FANCA: variants seen among roughly 807,000 people sequenced by gnomAD.
FANCA encodes Fanconi anemia group A protein.
A neutral mutation model predicts 194.3 loss-of-function variants in FANCA; 236 were observed. The observed-to-expected ratio is 1.21, with a 90% CI of 1.09 to 1.35. The LOEUF (loss-of-function observed/expected upper bound fraction) is 1.35, where lower values mean the gene tolerates loss of function less well. FANCA is among the 40% of genes most tolerant of loss of function. The pLI is 0.00. For synonymous variants in FANCA, 1,014 were observed against 715.8 expected, an observed-to-expected ratio of 1.42 and a Z score of -6.65; for missense variants, 2,628 against 1,813.9, an observed-to-expected ratio of 1.45 and a Z score of -8.15.
chr16:89,814,616 A>G lies in FANCA; in HGVS notation c.190-3T>C. ...TTTTTACACAGTGGACCTTCTACCT[A>G]GAATCCAAAACACAACAAACTCCAT... On this transcript the variant is annotated splice_polypyrimidine_tract_variant and splice_region_variant and intron_variant, in intron 2 of 42. Transcript: ENST00000389301. 6.2e-7 allele frequency: 1 copy of G among 1,608,938 alleles called. No individual in the cohort carries two copies. The highest frequency in any genetic ancestry group is 8.5e-7 in the Non-Finnish European group (1 of 1,175,390).
rs17226232 is a variant in FANCA at position 89,785,166 on chromosome 16, A to G, written c.1360-202T>C. Among the ~76,000 whole-genome samples the G allele has an allele frequency of 0.051, 7,796 of 152,308 alleles. 246 individuals are homozygous for G. Among genetic ancestry groups the G allele is most frequent in the Non-Finnish European group, 0.084 (5,683 of 68,022 alleles). On this transcript the variant is annotated intron_variant, in intron 14 of 42. Transcript: ENST00000389301. ...GGCTGCTGTAGTCGGCCTCCTAAAC[A>G]AAAAGGAAAAAAGAGAAACACCAAA...
rs1205893600 is a variant in FANCA at position 89,798,506 on chromosome 16, G to A, written c.893+660C>T. 4 of 1,102,910 alleles carry A rather than the reference G, an allele frequency of 3.6e-6. No homozygotes were observed. The South Asian group carries it at 1.5e-4, about 41-fold the overall frequency. 68.3% of individuals were successfully genotyped at this position (1,102,910 alleles called of 1,614,324 possible). A position where few individuals can be genotyped will look rare whatever the true frequency, so the allele number is the denominator to read the frequency against. ...AGGTTGACAAGGCCTGGAAACAGTG[G>A]CAAATTCTACTGGTTTCTCAAGACT... On this transcript the variant is annotated intron_variant, in intron 10 of 42. Transcript: ENST00000389301.
At position 89,786,015 on chromosome 16, in the gene FANCA, A is replaced by ATTTTTTTT. The variant is rs67279101; in HGVS notation, c.1360-1059_1360-1052dup. 3.8e-5 allele frequency among the ~76,000 whole-genome samples: 4 copies of ATTTTTTTT among 104,130 alleles called. No individual in the cohort carries two copies. The East Asian group carries it at 8.0e-4, about 21-fold the overall frequency. 68.3% of individuals were successfully genotyped at this position (104,130 alleles called of 152,430 possible). A position where few individuals can be genotyped will look rare whatever the true frequency, so the allele number is the denominator to read the frequency against. ...CAGGCATTTGCTACCACTCCCAGCT[A>ATTTTTTTT]TTTTTTTTTTTTTTTTTTTGAGAGA... On this transcript the variant is annotated intron_variant, in intron 14 of 42. Coordinates refer to ENST00000389301, the MANE Select transcript of FANCA (RefSeq NM_000135.4).
intron 26 of FANCA, among the ~76,000 whole-genome samples, chr16:89,767,767 C>A (rs1251233966): frequency 6.6e-6 from 1 of 152,144 alleles, no homozygotes; most frequent in Non-Finnish European, 1.5e-5. Context: ...CGAGGATGGT[C>A]TCGATCTCCT....
chr16:89,808,833 C>T (rs1029113836), intron 5 of FANCA, among the ~76,000 whole-genome samples: 4 of 152,136 alleles, frequency 2.6e-5, no homozygotes, highest in Non-Finnish European at 5.9e-5. Flanking sequence ...TTTAGCCACT[C>T]ACTGTGAACA....
At position 89,745,086 on chromosome 16, in the gene FANCA, C is replaced by G; in HGVS notation, c.3514-15G>C. 6.3e-7 allele frequency: 1 copy of G among 1,585,634 alleles called. No individual in the cohort carries two copies. Among genetic ancestry groups the G allele is most frequent in the South Asian group, 1.1e-5 (1 of 87,966 alleles). ...GGCCACCACACCTATGGAGAGAGCA[C>G]CAGCACACAGATGAGGGTGGCTGAG... On this transcript the variant is annotated splice_polypyrimidine_tract_variant and intron_variant, in intron 35 of 42. Coordinates refer to ENST00000389301, the MANE Select transcript of FANCA (RefSeq NM_000135.4).
chr16:89,798,255 C>A, intron 10 of FANCA: 1 of 849,616 alleles, frequency 1.2e-6, no homozygotes, highest in Non-Finnish European at 1.4e-6. Context: ...TGACCTCCAA[C>A]TTCCAGCCTC....
chr16:89,814,706 G>A (rs923038776), intron 2 of FANCA, 93 bp from the exon 3 acceptor site: 31 of 851,988 alleles, frequency 3.6e-5, no homozygotes, highest in Non-Finnish European at 6.0e-5. Flanking sequence ...ACTTTGGGAG[G>A]CCGAGATGGG....
Position 89,738,497 on chromosome 16 carries a change from CGAG to C in FANCA, c.*101_*103del, listed in dbSNP as rs746069040. 127 of 1,548,726 alleles carry C rather than the reference CGAG, an allele frequency of 8.2e-5. No individual in the cohort carries two copies. The highest frequency in any genetic ancestry group is 9.8e-5 in the Non-Finnish European group (111 of 1,127,888). On this transcript the variant is annotated 3_prime_UTR_variant, in exon 43 of 43. Transcript: ENST00000389301. ...TGATTCCTTTCCCCACTAAAGCAGTCGAGGAGATTTGTAATCCACTTTTTAGTG... is the reference window on the plus strand; with the variant it reads ...TGATTCCTTTCCCCACTAAAGCAGTCGAGATTTGTAATCCACTTTTTAGTG...
At chr16:89,744,221 G>A (rs544834806) in intron 36 of FANCA, among the ~76,000 whole-genome samples, 217 of 152,274 alleles carry the variant, frequency 1.4e-3, no homozygotes, top group African/African-American at 4.7e-3. Context: ...AGCAGACGGC[G>A]AGCAGCCAAA....
intron 8 of FANCA, among the ~76,000 whole-genome samples, chr16:89,801,099 A>G (rs2040434352): frequency 6.6e-6 from 1 of 151,262 alleles, no homozygotes; most frequent in African/African-American, 2.4e-5. Context: ...TAATCCCAAC[A>G]CTTTGAGAGG....
chr16:89,755,795 C>T (rs970185591), intron 30 of FANCA, among the ~76,000 whole-genome samples: 4 of 152,188 alleles, frequency 2.6e-5, no homozygotes, highest in South Asian at 2.1e-4. Flanking sequence ...GGTTTCATCA[C>T]GTGAACATCC....
chr16:89,746,512 A>G, intron 35 of FANCA, 72 bp downstream of exon 35: 7 of 1,190,970 alleles, frequency 5.9e-6, no homozygotes, highest in Non-Finnish European at 8.8e-6. Flanking sequence ...CGTGCTGCAG[A>G]GATGCCAGAG....
chr16:89,737,649 T>C lies in FANCA; in HGVS notation c.*952A>G, dbSNP rs1264247617. The C allele has an allele frequency of 6.4e-6, 9 of 1,412,400 alleles. No individual in the cohort carries two copies. Among genetic ancestry groups the C allele is most frequent in the South Asian group, 1.5e-5 (1 of 68,870 alleles). The allele number at this position is 1,412,400 out of a possible 1,614,324, so 87.5% of individuals were successfully genotyped here. On this transcript the variant is annotated 3_prime_UTR_variant, in exon 43 of 43. Coordinates refer to ENST00000389301, the MANE Select transcript of FANCA (RefSeq NM_000135.4). ...GTATAAAGCAGTTTAAAGATCTTAATAAACGAGGCCCTCATAGGCCCCTTG... is the reference window on the plus strand; with the variant it reads ...GTATAAAGCAGTTTAAAGATCTTAACAAACGAGGCCCTCATAGGCCCCTTG...
At chr16:89,766,473 GC>G (rs2039131350) in intron 27 of FANCA, among the ~76,000 whole-genome samples, 1 of 151,732 alleles carries the variant, frequency 6.6e-6, no homozygotes, top group Non-Finnish European at 1.5e-5. Flanking sequence ...ACTTTGGGAG[GC>G]CAAGGCGGGT....
At chr16:89,808,699 CTCCTTCAGAA>C (rs1354752344) in intron 5 of FANCA, among the ~76,000 whole-genome samples, 1 of 152,180 alleles carries the variant, frequency 6.6e-6, no homozygotes, top group African/African-American at 2.4e-5. Flanking sequence ...ATGACAGTCT[CTCCTTCAGAA>C]GCCTTCACTG....
intron 8 of FANCA, among the ~76,000 whole-genome samples, chr16:89,799,857 G>A (rs1360456200): frequency 6.6e-6 from 1 of 152,244 alleles, no homozygotes; most frequent in Non-Finnish European, 1.5e-5. Context: ...GCCGGGCGCA[G>A]TGGCGGACGC....
At chr16:89,791,848 C>A in intron 13 of FANCA, 79 bp downstream of exon 13, 1 of 1,571,726 alleles carries the variant, frequency 6.4e-7, no homozygotes, top group Non-Finnish European at 8.7e-7. Context: ...AGAGGCTCAC[C>A]CACAGTCAGC....
In FANCA at chr16:89,784,835, G is replaced by A. The variant is rs1382095345; in HGVS notation, c.1470+19C>T. ...GAGCGAAGCACCAGAAATCATGGAT[G>A]TGGCAGCCAGCTTCTCACCTGCAGG... is the stretch of plus-strand genomic sequence containing the variant. On this transcript the variant is annotated intron_variant, in intron 15 of 42. Coordinates refer to ENST00000389301, the MANE Select transcript of FANCA (RefSeq NM_000135.4). 3 of 1,579,860 alleles carry A rather than the reference G, an allele frequency of 1.9e-6. No homozygotes were observed. Among genetic ancestry groups the A allele is most frequent in the Non-Finnish European group, 2.6e-6 (3 of 1,148,744 alleles).
Sources: allele counts gnomAD v4.1 joint callset (sites outside exome capture counted in the v4.1 genomes callset), GRCh38; gene constraint gnomAD v4.1.1; transcripts MANE v1.5; gene names NCBI Gene and HGNC (gene_info 2026-07-23, HGNC 2026-07-21).